KCTD1: variants seen among roughly 807,000 people sequenced by gnomAD.
KCTD1 encodes BTB/POZ domain-containing protein KCTD1.
KCTD1 carries 24 observed loss-of-function variants against 66.0 expected under a neutral mutation model. That is an observed-to-expected ratio of 0.36 (90% CI 0.26 to 0.51). The LOEUF (loss-of-function observed/expected upper bound fraction) is 0.51. Ranked by LOEUF, KCTD1 falls within the 20% of genes least tolerant of loss-of-function variation. The pLI, the probability that KCTD1 is intolerant of heterozygous loss-of-function variation, is 0.95. For synonymous variants in KCTD1, 511 were observed against 517.2 expected (o/e 0.99, Z 0.16); for missense variants, 943 against 1,205.2 (o/e 0.78, Z 3.22).
chr18:26,483,106 T>C (rs1398487926), intron 2 of KCTD1, among the ~76,000 whole-genome samples: 1 of 152,216 alleles, frequency 6.6e-6, no homozygotes, highest in East Asian at 1.9e-4. Context: ...TCTTTAGCAT[T>C]TGGAGATATT....
intron 1 of KCTD1, among the ~76,000 whole-genome samples, chr18:26,597,450 C>G (rs1416743283): frequency 6.6e-6 from 1 of 152,048 alleles, no homozygotes; most frequent in African/African-American, 2.4e-5. Context: ...GATAACTACC[C>G]TGTGATTAGG....
chr18:26,554,989 G>A (rs1985671849), intron 1 of KCTD1, among the ~76,000 whole-genome samples: 1 of 152,100 alleles, frequency 6.6e-6, no homozygotes. Flanking sequence ...GTATATATTG[G>A]TAAAAGGTAT....
intron 4 of KCTD1, 64 bp downstream of exon 4, chr18:26,459,556 G>A: frequency 6.8e-7 from 1 of 1,474,188 alleles, no homozygotes; most frequent in Non-Finnish European, 9.2e-7. Flanking sequence ...CCATGTGAGG[G>A]CAAGGTTAAG....
chr18:26,516,335 G>A (rs188242984), intron 1 of KCTD1, among the ~76,000 whole-genome samples: 1 of 152,218 alleles, frequency 6.6e-6, no homozygotes, highest in African/African-American at 2.4e-5. Flanking sequence ...TATCCCATGG[G>A]AGGAACTTAC....
intron 1 of KCTD1, among the ~76,000 whole-genome samples, chr18:26,516,135 G>A (rs531847233): frequency 1.3e-5 from 2 of 152,180 alleles, no homozygotes; most frequent in Non-Finnish European, 1.5e-5. Flanking sequence ...AAAGGACAGT[G>A]GTGTGGGAGG....
At chr18:26,626,117 T>A (rs1030956161) in intron 1 of KCTD1, among the ~76,000 whole-genome samples, 1 of 150,294 alleles carries the variant, frequency 6.7e-6, no homozygotes. Context: ...ACTGGATCCT[T>A]CCTTAATGGG....
chr18:26,629,317 C>A, upstream of KCTD1: 1 of 382,016 alleles, frequency 2.6e-6, no homozygotes, highest in Non-Finnish European at 3.6e-6. Flanking sequence ...CTGAGCTAAC[C>A]AACCATAAGT....
intron 1 of KCTD1, among the ~76,000 whole-genome samples, chr18:26,626,516 C>T (rs1249849919): frequency 6.7e-6 from 1 of 149,358 alleles, no homozygotes; most frequent in Admixed American, 6.7e-5. Flanking sequence ...TGCTCCATCA[C>T]CCAGGGTGGA....
At chr18:26,469,241 T>TTA (rs1980919517) in intron 3 of KCTD1, among the ~76,000 whole-genome samples, 1 of 151,952 alleles carries the variant, frequency 6.6e-6, no homozygotes, top group Non-Finnish European at 1.5e-5. Flanking sequence ...GTTTGGTACT[T>TTA]AGAATTGATA....
At chr18:26,600,489 C>CT (rs559999499) in intron 1 of KCTD1, among the ~76,000 whole-genome samples, 215 of 149,022 alleles carry the variant, frequency 1.4e-3, no homozygotes, top group African/African-American at 4.9e-3. Flanking sequence ...GTGAAGCTGG[C>CT]TGGGGGGGGT....
upstream of KCTD1, chr18:26,548,986 A>T: frequency 1.0e-6 from 1 of 985,266 alleles, no homozygotes; most frequent in Non-Finnish European, 1.2e-6. Context: ...CCCGAGGAGC[A>T]GTGCCCCTTC....
At chr18:26,612,661 T>C (rs1286742428) in intron 1 of KCTD1, among the ~76,000 whole-genome samples, 3 of 152,242 alleles carry the variant, frequency 2.0e-5, no homozygotes, top group African/African-American at 7.2e-5. Flanking sequence ...GATTTCAGAC[T>C]TCTGGCCTGC....
chr18:26,482,220 G>A (rs182168682), intron 2 of KCTD1, among the ~76,000 whole-genome samples: 1 of 152,308 alleles, frequency 6.6e-6, no homozygotes, highest in East Asian at 1.9e-4. Context: ...AGCATTATGT[G>A]CCAAAGAGTG....
chr18:26,477,210 T>C (rs117390344), intron 2 of KCTD1, among the ~76,000 whole-genome samples: 1,606 of 152,306 alleles, frequency 0.011, 10 homozygotes, highest in Middle Eastern at 0.044. Context: ...CCACTAACAA[T>C]ATACACTACA....
chr18:26,565,545 T>A (rs1012705048), intron 1 of KCTD1, among the ~76,000 whole-genome samples: 3 of 152,134 alleles, frequency 2.0e-5, no homozygotes, highest in Non-Finnish European at 1.5e-5. Flanking sequence ...AAGAAACTTG[T>A]CTTTCTTTTT....
chr18:26,583,429 GA>G (rs1986404765), intron 1 of KCTD1, among the ~76,000 whole-genome samples: 1 of 135,388 alleles, frequency 7.4e-6, no homozygotes, highest in South Asian at 2.4e-4. Context: ...AAAAAGAAAA[GA>G]AAAGAGTAAA....
chr18:26,587,100 G>A (rs1283443793), intron 1 of KCTD1, among the ~76,000 whole-genome samples: 1 of 152,208 alleles, frequency 6.6e-6, no homozygotes, highest in African/African-American at 2.4e-5. Context: ...CTAGAGAGAA[G>A]TCACTGCCTG....
chr18:26,563,501 C>T (rs1282251659), intron 1 of KCTD1, among the ~76,000 whole-genome samples: 1 of 152,214 alleles, frequency 6.6e-6, no homozygotes, highest in African/African-American at 2.4e-5. Flanking sequence ...TCTCCTGGCT[C>T]AACAACTCAA....
chr18:26,652,480 A>G (rs1423741440), intron 1 of KCTD1, among the ~76,000 whole-genome samples: 5 of 152,234 alleles, frequency 3.3e-5, no homozygotes, highest in African/African-American at 1.2e-4. Context: ...GCATCCAACC[A>G]TTCATTTCAT....
Sources: allele counts gnomAD v4.1 joint callset (sites outside exome capture counted in the v4.1 genomes callset), GRCh38; gene constraint gnomAD v4.1.1; transcripts MANE v1.5; gene names NCBI Gene and HGNC (gene_info 2026-07-23, HGNC 2026-07-21).